Variants in ARFGEF3 observed in about 807,000 individuals in gnomAD.
The protein encoded by ARFGEF3 is ARFGEF family member 3, also known as brefeldin A-inhibited guanine nucleotide-exchange protein 3.
A neutral mutation model predicts 221.7 loss-of-function variants in ARFGEF3; 96 were observed. The ratio of observed to expected loss-of-function variants is 0.43; its 90% CI spans 0.37 to 0.51. The LOEUF (loss-of-function observed/expected upper bound fraction) is 0.51, where lower values mean the gene tolerates loss of function less well. Among genes scored for constraint, ARFGEF3 ranks in the 20% least tolerant of loss-of-function variants. The pLI, the probability that ARFGEF3 is intolerant of heterozygous loss-of-function variation, is 0.00. For missense variants in ARFGEF3, 2,410 were observed against 2,789.9 expected, an observed-to-expected ratio of 0.86 and a Z score of 3.07; for synonymous variants, 1,145 against 1,126.8, an observed-to-expected ratio of 1.02 and a Z score of -0.32.
chr6:138,336,925 T>TAGTACCAGGGATTATTA lies in ARFGEF3; in HGVS notation c.*441_*457dup, dbSNP rs1411926699. 1 of 152,586 alleles carries TAGTACCAGGGATTATTA rather than the reference T, an allele frequency of 6.6e-6. No individual in the cohort carries two copies. The highest frequency in any genetic ancestry group is 1.5e-5 in the Non-Finnish European group (1 of 68,198). 9.5% of individuals were successfully genotyped at this position (152,586 alleles called of 1,614,324 possible). On this transcript the variant is annotated 3_prime_UTR_variant, in exon 34 of 34. Coordinates refer to ENST00000251691, the MANE Select transcript of ARFGEF3 (RefSeq NM_020340.5). ...TCAAGCTGATAAACACTCAGACATCTAGTACCAGGGATTATTAATTGGAGG... is the reference window on the plus strand; with the variant it reads ...TCAAGCTGATAAACACTCAGACATCTAGTACCAGGGATTATTAAGTACCAGGGATTATTAATTGGAGG...
chr6:138,176,090 G>A (rs1776940337), intron 2 of ARFGEF3, among the ~76,000 whole-genome samples: 1 of 151,848 alleles, frequency 6.6e-6, no homozygotes, highest in Non-Finnish European at 1.5e-5. Flanking sequence ...CGTTTGCATG[G>A]AATATCTTTT....
chr6:138,343,420 C>T lies in ARFGEF3; in HGVS notation c.*6934C>T, dbSNP rs1780463750. The stretch of plus-strand genomic sequence containing the variant: ...ATGTTGATGATATCAAGGAGACAAT[C>T]TACAGAGTTTTTGCCTCTGTGGATG... On this transcript the variant is annotated 3_prime_UTR_variant, in exon 34 of 34. Coordinates refer to ENST00000251691, the MANE Select transcript of ARFGEF3 (RefSeq NM_020340.5). The T allele has an allele frequency of 6.6e-6, 1 of 150,938 alleles. No individual in the cohort carries two copies. The highest frequency in any genetic ancestry group is 1.5e-5 in the Non-Finnish European group (1 of 67,918). The allele number at this position is 150,938 out of a possible 1,614,324, so 9.3% of individuals were successfully genotyped here.
intron 10 of ARFGEF3, among the ~76,000 whole-genome samples, chr6:138,261,261 GA>G (rs1456042943): frequency 6.6e-6 from 1 of 152,168 alleles, no homozygotes; most frequent in Non-Finnish European, 1.5e-5. Flanking sequence ...TTCTGTGCTA[GA>G]AAAGATTTTT....
intron 13 of ARFGEF3, 127 bp from the exon 14 acceptor site, chr6:138,279,872 C>T: frequency 2.3e-6 from 2 of 877,008 alleles, no homozygotes; most frequent in South Asian, 1.6e-5. Flanking sequence ...CTTGCCGCCC[C>T]CTTACCCAAT....
chr6:138,225,863 T>C (rs1778074062), intron 4 of ARFGEF3, among the ~76,000 whole-genome samples: 1 of 152,240 alleles, frequency 6.6e-6, no homozygotes, highest in African/African-American at 2.4e-5. Flanking sequence ...ATGAGACTTG[T>C]GTAGCTTCTG....
At chr6:138,169,330 C>G (rs1776782211) in intron 1 of ARFGEF3, among the ~76,000 whole-genome samples, 1 of 152,206 alleles carries the variant, frequency 6.6e-6, no homozygotes, top group East Asian at 1.9e-4. Context: ...GCCTGGGAGT[C>G]TCACTGCACT....
intron 3 of ARFGEF3, among the ~76,000 whole-genome samples, chr6:138,208,278 T>C (rs1777659586): frequency 6.6e-6 from 1 of 152,150 alleles, no homozygotes; most frequent in Non-Finnish European, 1.5e-5. Context: ...CTCTTAACTT[T>C]AGGCATATTT....
chr6:138,166,498 A>G (rs1484665592), intron 1 of ARFGEF3, among the ~76,000 whole-genome samples: 1 of 152,222 alleles, frequency 6.6e-6, no homozygotes, highest in Non-Finnish European at 1.5e-5. Context: ...TGGCTGCAGA[A>G]TAACTAATAA....
intron 11 of ARFGEF3, among the ~76,000 whole-genome samples, 194 bp from the exon 12 acceptor site, chr6:138,262,507 A>T (rs760598404): frequency 4.6e-5 from 7 of 152,184 alleles, no homozygotes; most frequent in Non-Finnish European, 7.4e-5. Flanking sequence ...AGGCCACTTT[A>T]TCTGAAGATC....
chr6:138,266,689 A>T (rs1778899574), intron 12 of ARFGEF3, among the ~76,000 whole-genome samples: 1 of 151,928 alleles, frequency 6.6e-6, no homozygotes, highest in South Asian at 2.1e-4. Context: ...CTCTACTAAA[A>T]ATACAAAAAA....
At chr6:138,251,391 T>G (rs1314093328) in intron 8 of ARFGEF3, among the ~76,000 whole-genome samples, 2 of 152,228 alleles carry the variant, frequency 1.3e-5, no homozygotes, top group Non-Finnish European at 2.9e-5. Context: ...TCAGAATGAT[T>G]AACTGAGACT....
In ARFGEF3 at chr6:138,333,699, T is replaced by C. The variant is rs565902783; in HGVS notation, c.5124-271T>C. Among the ~76,000 whole-genome samples, 100 of 152,184 alleles carry C rather than the reference T, an allele frequency of 6.6e-4. 3 individuals carry two copies. Among genetic ancestry groups the C allele is most frequent in the East Asian group, 2.3e-3 (12 of 5,162 alleles). ...CCTCGTGATCCGCCCACCTCGGCCT[T>C]CCAAAGTGCTGGGATTACAGGCTTG... On this transcript the variant is annotated intron_variant, in intron 32 of 33. Transcript: ENST00000251691.
chr6:138,276,310 G>T (rs530512343), intron 12 of ARFGEF3, among the ~76,000 whole-genome samples: 1 of 152,350 alleles, frequency 6.6e-6, no homozygotes, highest in Non-Finnish European at 1.5e-5. Flanking sequence ...ACTAATAGAT[G>T]CAGAGAAGCT....
At chr6:138,186,973 T>TGGTGC (rs962980015) in intron 2 of ARFGEF3, among the ~76,000 whole-genome samples, 7 of 132,302 alleles carry the variant, frequency 5.3e-5, no homozygotes, top group Non-Finnish European at 7.7e-5. Context: ...AGGAGTGCAA[T>TGGTGC]GGTGCGATCT....
At chr6:138,311,312 T>C in intron 24 of ARFGEF3, 95 bp from the exon 25 acceptor site, 1 of 688,532 alleles carries the variant, frequency 1.5e-6, no homozygotes, top group South Asian at 1.8e-5. Flanking sequence ...AATAGATATT[T>C]GGTGTACTAG....
At chr6:138,172,320 A>C (rs1246767606) in intron 2 of ARFGEF3, among the ~76,000 whole-genome samples, 1 of 152,204 alleles carries the variant, frequency 6.6e-6, no homozygotes, top group Non-Finnish European at 1.5e-5. Context: ...CTCCTTTCTT[A>C]AAACTGATTT....
Position 138,307,306 on chromosome 6 carries a change from G to A in ARFGEF3, c.3882G>A (p.Ser1294=), listed in dbSNP as rs756502471. 1.8e-5 allele frequency: 29 copies of A among 1,613,892 alleles called. No individual in the cohort carries two copies. Among genetic ancestry groups the A allele is most frequent in the South Asian group, 5.5e-5 (5 of 91,078 alleles). Residue 1294 remains serine, a synonymous_variant, in exon 23 of 34, where the codon TCG becomes TCA. Transcript: ENST00000251691. ...AAGTGTGTTCCACGCAGATCCAGTCGGGATGGAGACCCTTGTTCAGTGCCC... is the reference window on the plus strand; with the variant it reads ...AAGTGTGTTCCACGCAGATCCAGTCAGGATGGAGACCCTTGTTCAGTGCCC... ...LVEVCSTQIQ[S]GWRPLFSALE...
intron 2 of ARFGEF3, among the ~76,000 whole-genome samples, chr6:138,183,526 A>G (rs1261267971): frequency 6.6e-6 from 1 of 151,976 alleles, no homozygotes; most frequent in Non-Finnish European, 1.5e-5. Context: ...GCAGAGTGGG[A>G]AGACAGGGTG....
Position 138,162,250 on chromosome 6 carries a change from T to G in ARFGEF3, c.85+79T>G. On this transcript the variant is annotated intron_variant, in intron 1 of 33. Transcript: ENST00000251691. The surrounding 1 kb of genome is among the most constrained non-coding windows in gnomAD (Gnocchi z 4.7). Reference sequence around the variant, plus strand: ...AACCCGCGCCTCCGCGCGTGGGGCTTTCGCGGAGCGTCGGTCATGGGTGCC... The same window carrying G: ...AACCCGCGCCTCCGCGCGTGGGGCTGTCGCGGAGCGTCGGTCATGGGTGCC... 1 of 1,035,348 alleles carries G rather than the reference T, an allele frequency of 9.7e-7. No individual in the cohort carries two copies. The highest frequency in any genetic ancestry group is 1.4e-6 in the Non-Finnish European group (1 of 717,504). The allele number at this position is 1,035,348 out of a possible 1,614,324, so 64.1% of individuals were successfully genotyped here.
Sources: gnomAD v4.1 joint callset for allele counts (sites outside exome capture counted in the v4.1 genomes callset) on GRCh38, gnomAD v4.1.1 for gene constraint, Gnocchi (gnomAD v3.1) non-coding constraint, MANE v1.5 for transcripts, NCBI Gene and HGNC (gene_info 2026-07-23, HGNC 2026-07-21) for gene names.